The following SHANK2 variants were observed in gnomAD, a reference collection of about 807,000 sequenced individuals.
SHANK2 encodes SH3 and multiple ankyrin repeat domains protein 2.
SHANK2 carries 43 observed loss-of-function variants against 133.7 expected under a neutral mutation model. The ratio of observed to expected loss-of-function variants is 0.32; its 90% CI spans 0.25 to 0.41. The LOEUF (loss-of-function observed/expected upper bound fraction) is 0.41. Ranked by LOEUF, SHANK2 falls within the 10% of genes least tolerant of loss-of-function variation. The probability of loss-of-function intolerance (pLI) is 1.00; values close to 1 mark genes in which losing one functional copy is unlikely to be tolerated. For synonymous variants in SHANK2, 1,017 were observed against 952.8 expected (o/e 1.07, Z -1.24); for missense variants, 1,994 against 2,235.8 (o/e 0.89, Z 2.18).
intron 17 of SHANK2, among the ~76,000 whole-genome samples, chr11:70,613,632 T>C (rs1488591056): frequency 6.6e-6 from 1 of 152,166 alleles, no homozygotes; most frequent in Non-Finnish European, 1.5e-5. Flanking sequence ...CCCCAGGATC[T>C]CAGGAGGTGA....
intron 8 of SHANK2, among the ~76,000 whole-genome samples, chr11:71,085,775 T>TAAA (rs1951388709): frequency 3.9e-5 from 3 of 76,736 alleles, no homozygotes; most frequent in African/African-American, 1.6e-4. Flanking sequence ...ATATATTATA[T>TAAA]TTATATTATA....
chr11:70,500,695 CCGGCAATGGGG>C lies in SHANK2; in HGVS notation c.2288-116_2288-106del, dbSNP rs2059037643. ...CAGGGCGCCTCAGGAGCAGGCTGGGCCGGCAATGGGGCGGCAGGCAGGGGCTGTCTGGAACG... is the reference window on the plus strand; with the variant it reads ...CAGGGCGCCTCAGGAGCAGGCTGGGCCGGCAGGCAGGGGCTGTCTGGAACG... On this transcript the variant is annotated intron_variant, in intron 20 of 25. Coordinates refer to ENST00000601538, the MANE Select transcript of SHANK2 (RefSeq NM_012309.5). The surrounding 1 kb of genome is among the most constrained non-coding windows in gnomAD (Gnocchi z 4.5). 2 of 1,470,120 alleles carry C rather than the reference CCGGCAATGGGG, an allele frequency of 1.4e-6. No individual in the cohort carries two copies. The highest frequency in any genetic ancestry group is 1.4e-5 in the African/African-American group (1 of 71,612). The allele number at this position is 1,470,120 out of a possible 1,614,324, so 91.1% of individuals were successfully genotyped here.
At chr11:71,135,482 GTTTTTT>G (rs71949830) in intron 3 of SHANK2, among the ~76,000 whole-genome samples, 3 of 115,710 alleles carry the variant, frequency 2.6e-5, no homozygotes, top group Non-Finnish European at 5.3e-5. Flanking sequence ...GGGGGGATAT[GTTTTTT>G]TTTTTTTTTT....
At chr11:71,249,154 A>G (rs1249504431) in intron 1 of SHANK2, among the ~76,000 whole-genome samples, 7 of 152,150 alleles carry the variant, frequency 4.6e-5, no homozygotes, top group Admixed American at 3.9e-4. Flanking sequence ...CCTGCACTCA[A>G]TATGCTTACA....
At chr11:70,792,127 C>A (rs1947800733) in intron 14 of SHANK2, among the ~76,000 whole-genome samples, 1 of 152,062 alleles carries the variant, frequency 6.6e-6, no homozygotes, top group Non-Finnish European at 1.5e-5. Context: ...AACCAACCAA[C>A]CAACTAACCA....
At chr11:70,743,801 G>A (rs1179583742) in intron 14 of SHANK2, among the ~76,000 whole-genome samples, 1 of 152,110 alleles carries the variant, frequency 6.6e-6, no homozygotes, top group African/African-American at 2.4e-5. Flanking sequence ...CAATTCCTGT[G>A]GATTCAGGCT....
At chr11:70,875,130 T>C (rs1194589329) in intron 11 of SHANK2, among the ~76,000 whole-genome samples, 1 of 152,146 alleles carries the variant, frequency 6.6e-6, no homozygotes, top group African/African-American at 2.4e-5. Context: ...TATTTTATCA[T>C]TGGCAATTTT....
intron 14 of SHANK2, among the ~76,000 whole-genome samples, chr11:70,703,173 C>T (rs1426023222): frequency 6.6e-6 from 1 of 152,190 alleles, no homozygotes; most frequent in Non-Finnish European, 1.5e-5. Context: ...AGGGGCCACA[C>T]GTATTCTAGG....
intron 25 of SHANK2, among the ~76,000 whole-genome samples, chr11:70,483,764 G>A (rs1392270117): frequency 3.3e-5 from 5 of 152,118 alleles, no homozygotes; most frequent in South Asian, 2.1e-4. Flanking sequence ...AGGTGTATAC[G>A]TACATAATTC....
intron 11 of SHANK2, among the ~76,000 whole-genome samples, chr11:70,858,406 G>A (rs1949203719): frequency 6.6e-6 from 1 of 152,160 alleles, no homozygotes; most frequent in African/African-American, 2.4e-5. Flanking sequence ...AAAGCCCATG[G>A]CCTCCTGTAG....
chr11:70,601,750 G>T (rs533691753), intron 17 of SHANK2, among the ~76,000 whole-genome samples: 3 of 152,318 alleles, frequency 2.0e-5, no homozygotes, highest in Admixed American at 6.5e-5. Flanking sequence ...CCCAGCAAAG[G>T]CACCACAAAC....
intron 17 of SHANK2, among the ~76,000 whole-genome samples, chr11:70,554,471 CTT>C (rs1341473558): frequency 2.0e-5 from 3 of 151,500 alleles, no homozygotes; most frequent in African/African-American, 7.3e-5. Flanking sequence ...TTAACAAAGA[CTT>C]TATATTTTGG....
intron 11 of SHANK2, among the ~76,000 whole-genome samples, chr11:70,885,133 G>T (rs537126018): frequency 6.6e-6 from 1 of 152,272 alleles, no homozygotes; most frequent in African/African-American, 2.4e-5. Flanking sequence ...CTGGGGTCTC[G>T]TGTGGTTGGG....
chr11:70,631,406 A>ACACACACACC (rs567386319), intron 17 of SHANK2, among the ~76,000 whole-genome samples: 3 of 149,326 alleles, frequency 2.0e-5, no homozygotes, highest in South Asian at 2.1e-4. Context: ...ACACACACAC[A>ACACACACACC]CACCCACACA....
chr11:70,667,022 T>G (rs1944691112), intron 15 of SHANK2, among the ~76,000 whole-genome samples: 1 of 151,998 alleles, frequency 6.6e-6, no homozygotes, highest in African/African-American at 2.4e-5. Context: ...CCCCACCAAG[T>G]ACAGCTGTGC....
intron 17 of SHANK2, among the ~76,000 whole-genome samples, chr11:70,551,921 C>T (rs1308430403): frequency 6.6e-6 from 1 of 152,220 alleles, no homozygotes; most frequent in Non-Finnish European, 1.5e-5. Context: ...GCGAGACTCT[C>T]TATGCGCCAA....
chr11:70,570,165 G>A (rs1042147337), intron 17 of SHANK2, among the ~76,000 whole-genome samples: 11 of 152,202 alleles, frequency 7.2e-5, no homozygotes, highest in African/African-American at 1.2e-4. Flanking sequence ...GTGGCTTGCC[G>A]CCGAGAGTCC....
Position 71,200,831 on chromosome 11 carries a change from T to C in SHANK2, c.-13+23866A>G, listed in dbSNP as rs1004488509. ...CAGAGAGGTATCAAGTCTCAATTAA[T>C]ACACACACACACACACACACACACA... On this transcript the variant is annotated intron_variant, in intron 2 of 25. Transcript: ENST00000601538. Among the ~76,000 whole-genome samples the C allele has an allele frequency of 1.7e-4, 24 of 145,036 alleles. No individual in the cohort carries two copies. The East Asian group carries it at 2.9e-3, about 17-fold the overall frequency.
At position 70,890,451 on chromosome 11, in the gene SHANK2, G is replaced by A. The variant is rs1312542575; in HGVS notation, c.1174+6050C>T. On this transcript the variant is annotated intron_variant, in intron 11 of 25. Transcript: ENST00000601538. Reference sequence around the variant, plus strand: ...GTCAAGAGATTGAGATCAAACTGGCGAACATGGTGAAACCCTGTCTCTACT... The same window carrying A: ...GTCAAGAGATTGAGATCAAACTGGCAAACATGGTGAAACCCTGTCTCTACT... Among the ~76,000 whole-genome samples the A allele has an allele frequency of 5.4e-5, 8 of 147,944 alleles. No homozygotes were observed. In the South Asian group the frequency reaches 8.6e-4, roughly 16 times the overall value.
Sources: allele counts gnomAD v4.1 joint callset (sites outside exome capture counted in the v4.1 genomes callset), GRCh38; gene constraint gnomAD v4.1.1; non-coding constraint Gnocchi (gnomAD v3.1); transcripts MANE v1.5; gene names NCBI Gene and HGNC (gene_info 2026-07-23, HGNC 2026-07-21).